The following SCAMP1 variants were observed in gnomAD, a reference collection of about 807,000 sequenced individuals.
The protein encoded by SCAMP1 is secretory carrier membrane protein 1.
SCAMP1 carries 15 observed loss-of-function variants against 41.8 expected under a neutral mutation model. The ratio of observed to expected loss-of-function variants is 0.36; its 90% confidence interval spans 0.24 to 0.55. The LOEUF (loss-of-function observed/expected upper bound fraction) is 0.55, where lower values mean the gene tolerates loss of function less well. Among genes scored for constraint, SCAMP1 ranks in the 20% least tolerant of loss-of-function variants. The probability of loss-of-function intolerance (pLI) is 0.86; values close to 1 mark genes in which losing one functional copy is unlikely to be tolerated. For synonymous variants in SCAMP1, 135 were observed against 136.8 expected, an observed-to-expected ratio of 0.99 and a Z score of 0.09; for missense variants, 341 against 412.6, an observed-to-expected ratio of 0.83 and a Z score of 1.50.
intron 2 of SCAMP1, among the ~76,000 whole-genome samples, chr5:78,414,169 C>T (rs193139237): frequency 8.6e-5 from 13 of 151,808 alleles, no homozygotes; most frequent in Admixed American, 2.6e-4. Context: ...ATCAGGTGGC[C>T]GAGACTTCCC....
Position 78,418,891 on chromosome 5 carries a change from T to C in SCAMP1, c.460T>C (p.Tyr154His). The C allele has an allele frequency of 6.4e-7, 1 of 1,567,480 alleles. No individual in the cohort carries two copies. The highest frequency in any genetic ancestry group is 8.6e-7 in the Non-Finnish European group (1 of 1,158,460). Residue 154 changes from tyrosine (Y) to histidine (H), a missense_variant, in exon 5 of 9, where the codon TAC (tyrosine) becomes CAC (histidine). Coordinates refer to ENST00000621999, the MANE Select transcript of SCAMP1 (RefSeq NM_004866.6). ...CCAAAAGACAGTAAAGCTTATGTAC[T>C]ACTTGTGGATGTGTGAGTATACAAC... ...EFQKTVKLMY[Y>H]LWMFHAVTLF...
In SCAMP1 at chr5:78,472,863, T is replaced by TA. The variant is rs1753918169; in HGVS notation, c.853-2640dup. Among the ~76,000 whole-genome samples, 3 of 152,274 alleles carry TA rather than the reference T, an allele frequency of 2.0e-5. No homozygotes were observed. The South Asian group carries it at 6.2e-4, about 32-fold the overall frequency. ...AAGCAAATAAGAATTAACATTTATT[T>TA]ATTACATGCTCACAAACTTGGGGGA... is the stretch of plus-strand genomic sequence containing the variant. On this transcript the variant is annotated intron_variant, in intron 8 of 8. Coordinates refer to ENST00000621999, the MANE Select transcript of SCAMP1 (RefSeq NM_004866.6).
chr5:78,445,472 A>C (rs1005568440), intron 6 of SCAMP1, among the ~76,000 whole-genome samples: 9 of 152,238 alleles, frequency 5.9e-5, no homozygotes, highest in Admixed American at 5.2e-4. Context: ...TAATTCACAT[A>C]GGTTAAATCA....
chr5:78,470,418 A>G (rs1227755259), intron 8 of SCAMP1, among the ~76,000 whole-genome samples: 1 of 152,186 alleles, frequency 6.6e-6, no homozygotes, highest in Non-Finnish European at 1.5e-5. Flanking sequence ...GAGTTATACA[A>G]TATTTTCCTT....
intron 2 of SCAMP1, among the ~76,000 whole-genome samples, chr5:78,389,412 C>G (rs1385764384): frequency 6.6e-6 from 1 of 152,070 alleles, no homozygotes; most frequent in African/African-American, 2.4e-5. Flanking sequence ...TTTTTCCCCT[C>G]AAAATTTAGT....
chr5:78,370,627 G>A (rs1184192498), intron 1 of SCAMP1: 2 of 152,246 alleles, frequency 1.3e-5, no homozygotes, highest in East Asian at 1.9e-4. Context: ...CAGATAATGT[G>A]TCTATAAACA....
At chr5:78,411,677 G>A (rs2112129126) in intron 2 of SCAMP1, among the ~76,000 whole-genome samples, 1 of 152,084 alleles carries the variant, frequency 6.6e-6, no homozygotes, top group Admixed American at 6.5e-5. Flanking sequence ...TTCTTCTGTT[G>A]TGTTGGACAT....
Position 78,445,687 on chromosome 5 carries a change from C to T in SCAMP1, c.633-4246C>T, listed in dbSNP as rs1299359422. ...CTGATTCTGGCTAAGGTACAGCTCT[C>T]CTGGGTGTCTTCTGGCTATTCCAGA... On this transcript the variant is annotated intron_variant, in intron 6 of 8. Coordinates refer to ENST00000621999, the MANE Select transcript of SCAMP1 (RefSeq NM_004866.6). Among the ~76,000 whole-genome samples, 3 of 151,960 alleles carry T rather than the reference C, an allele frequency of 2.0e-5. No homozygotes were observed. The East Asian group carries it at 5.8e-4, about 29-fold the overall frequency.
intron 6 of SCAMP1, among the ~76,000 whole-genome samples, chr5:78,428,252 CTAA>C (rs1752515844): frequency 2.0e-5 from 3 of 152,088 alleles, no homozygotes; most frequent in Non-Finnish European, 4.4e-5. Context: ...GTGTAAGGGT[CTAA>C]ATGCATCTTT....
At chr5:78,447,905 C>T (rs1220191149) in intron 6 of SCAMP1, among the ~76,000 whole-genome samples, 11 of 86,784 alleles carry the variant, frequency 1.3e-4, no homozygotes, top group African/African-American at 5.1e-4. Context: ...CCTCCTCCCT[C>T]TTCTCCCTCC....
intron 7 of SCAMP1, among the ~76,000 whole-genome samples, chr5:78,452,593 G>C (rs1753267089): frequency 6.7e-6 from 1 of 148,770 alleles, no homozygotes; most frequent in Non-Finnish European, 1.5e-5. Flanking sequence ...TATCATTGTT[G>C]GACATTTGGG....
At chr5:78,397,465 GA>G (rs901308704) in intron 2 of SCAMP1, among the ~76,000 whole-genome samples, 34 of 152,224 alleles carry the variant, frequency 2.2e-4, no homozygotes, top group African/African-American at 8.2e-4. Flanking sequence ...CAACAAAAGA[GA>G]AAACAGGCAA....
chr5:78,405,654 T>G (rs538459746), intron 2 of SCAMP1, among the ~76,000 whole-genome samples: 4 of 152,348 alleles, frequency 2.6e-5, no homozygotes, highest in African/African-American at 2.4e-5. Flanking sequence ...GGAATGTAGC[T>G]TTATGGGAGT....
chr5:78,386,274 T>C (rs1474794458), intron 1 of SCAMP1, among the ~76,000 whole-genome samples: 1 of 152,184 alleles, frequency 6.6e-6, no homozygotes, highest in Non-Finnish European at 1.5e-5. Context: ...AAATAACTAC[T>C]CTTGCTTGCT....
intron 6 of SCAMP1, among the ~76,000 whole-genome samples, chr5:78,437,608 A>G (rs1037685621): frequency 1.2e-4 from 18 of 152,132 alleles, no homozygotes; most frequent in African/African-American, 3.4e-4. Flanking sequence ...TGCTGGATTC[A>G]GTTTGTCAGT....
chr5:78,370,061 C>T (rs1421490317), intron 1 of SCAMP1, among the ~76,000 whole-genome samples: 1 of 152,220 alleles, frequency 6.6e-6, no homozygotes, highest in Non-Finnish European at 1.5e-5. Flanking sequence ...ATTTCAATCT[C>T]TGTGAAACCT....
chr5:78,453,105 G>A (rs959281870), intron 7 of SCAMP1, among the ~76,000 whole-genome samples: 4 of 150,382 alleles, frequency 2.7e-5, no homozygotes, highest in Non-Finnish European at 5.9e-5. Context: ...AGACGAGTAG[G>A]TTGCGAAAAT....
At chr5:78,452,620 G>A (rs1753267729) in intron 7 of SCAMP1, among the ~76,000 whole-genome samples, 1 of 150,820 alleles carries the variant, frequency 6.6e-6, no homozygotes, top group Non-Finnish European at 1.5e-5. Flanking sequence ...CCAAGTCTTT[G>A]CCATTGTGAA....
intron 5 of SCAMP1, among the ~76,000 whole-genome samples, chr5:78,421,105 T>C (rs146843950): frequency 9.1e-4 from 139 of 152,344 alleles, no homozygotes; most frequent in African/African-American, 3.2e-3. Context: ...GATTTTTTGT[T>C]TTTGGTCTGT....
Sources: allele counts gnomAD v4.1 joint callset (sites outside exome capture counted in the v4.1 genomes callset), GRCh38; gene constraint gnomAD v4.1.1; transcripts MANE v1.5; gene names NCBI Gene and HGNC (gene_info 2026-07-23, HGNC 2026-07-21).